SAMD7: variants seen among roughly 807,000 people sequenced by gnomAD.
SAMD7 encodes the protein sterile alpha motif domain containing 7.
In SAMD7, 34 loss-of-function variants were observed where a neutral mutation model predicts 36.7. The observed-to-expected ratio is 0.93, with a 90% CI of 0.71 to 1.23. SAMD7 has a LOEUF of 1.23. Among genes scored for constraint, SAMD7 ranks in the 50% most tolerant of loss-of-function variants. SAMD7 has a pLI of 0.00. For missense variants in SAMD7, 570 were observed against 546.6 expected (o/e 1.04, Z -0.43); for synonymous variants, 188 against 189.7 (o/e 0.99, Z 0.07).
chr3:169,924,978 T>G, intron 4 of SAMD7, 80 bp from the exon 5 acceptor site: 2 of 876,786 alleles, frequency 2.3e-6, no homozygotes, highest in Non-Finnish European at 3.6e-6. Context: ...CTGTTTTACA[T>G]TGTTATAGTT....
chr3:169,932,184 G>C (rs375360575), intron 7 of SAMD7: 4 of 669,788 alleles, frequency 6.0e-6, no homozygotes, highest in Non-Finnish European at 1.0e-5. Flanking sequence ...TGGACCACAC[G>C]TTGCAGTCTT....
At chr3:169,924,930 T>G in intron 4 of SAMD7, 128 bp from the exon 5 acceptor site, 1 of 609,540 alleles carries the variant, frequency 1.6e-6, no homozygotes, top group Non-Finnish European at 2.8e-6. Flanking sequence ...TTTCCAAAAT[T>G]GTGCGCAATT....
chr3:169,932,103 T>A, intron 7 of SAMD7: 1 of 525,884 alleles, frequency 1.9e-6, no homozygotes. Context: ...CAAGCAGCGT[T>A]TCACTACTTG....
chr3:169,922,938 C>T (rs1713108781), intron 4 of SAMD7, among the ~76,000 whole-genome samples: 1 of 152,204 alleles, frequency 6.6e-6, no homozygotes, highest in Non-Finnish European at 1.5e-5. Context: ...GATTTAGCGC[C>T]ATGTGGCGGT....
At chr3:169,933,130 TG>T in intron 7 of SAMD7, 2 of 798,546 alleles carry the variant, frequency 2.5e-6, no homozygotes, top group Non-Finnish European at 4.5e-6. Flanking sequence ...CTGGACGCCA[TG>T]GACCAGTGGC....
chr3:169,930,773 G>A (rs1713457740), intron 7 of SAMD7, among the ~76,000 whole-genome samples: 1 of 151,886 alleles, frequency 6.6e-6, no homozygotes, highest in African/African-American at 2.4e-5. Flanking sequence ...AGTAAAGACA[G>A]GGTTTCATCG....
chr3:169,933,140 G>C lies in SAMD7; in HGVS notation c.1042-3199G>C, dbSNP rs1165434961. The C allele has an allele frequency of 1.4e-5, 11 of 773,434 alleles. No homozygotes were observed. The African/African-American group carries it at 1.7e-4, about 12-fold the overall frequency. The allele number at this position is 773,434 out of a possible 1,614,324, so 47.9% of individuals were successfully genotyped here. A position where few individuals can be genotyped will look rare whatever the true frequency, so the allele number is the denominator to read the frequency against. On this transcript the variant is annotated intron_variant, in intron 7 of 8. Transcript: ENST00000335556. ...CTCGTCTGGACGCCATGGACCAGTG[G>C]CTCCTGAGTGTCCTGGCCACCGTGG...
chr3:169,911,868 T>A (rs552730479), intron 1 of SAMD7, 47 bp downstream of exon 1: 22 of 152,328 alleles, frequency 1.4e-4, no homozygotes, highest in African/African-American at 5.3e-4. Context: ...TTGAGGCCAG[T>A]TACTCTGAGT....
chr3:169,931,410 T>A (rs541941551), intron 7 of SAMD7, among the ~76,000 whole-genome samples: 1 of 152,034 alleles, frequency 6.6e-6, no homozygotes, highest in Non-Finnish European at 1.5e-5. Flanking sequence ...GCTGCCAGCC[T>A]ACCTCTGCTT....
intron 1 of SAMD7, among the ~76,000 whole-genome samples, chr3:169,912,508 CA>C (rs1253527130): frequency 6.6e-6 from 1 of 152,152 alleles, no homozygotes; most frequent in Non-Finnish European, 1.5e-5. Context: ...ATAATTTATA[CA>C]AACTGTAGTT....
chr3:169,932,834 A>C, intron 7 of SAMD7: 1 of 593,476 alleles, frequency 1.7e-6, no homozygotes, highest in Non-Finnish European at 3.3e-6. Context: ...GGACACCATT[A>C]ACACAGCTGT....
chr3:169,927,235 C>G (rs1713308234), intron 6 of SAMD7, 54 bp downstream of exon 6: 5 of 1,352,686 alleles, frequency 3.7e-6, no homozygotes, highest in Non-Finnish European at 5.0e-6. Flanking sequence ...TTGCCAAGTC[C>G]GTAGGTTACT....
intron 6 of SAMD7, among the ~76,000 whole-genome samples, chr3:169,927,801 T>C (rs1713336827): frequency 6.6e-6 from 1 of 152,210 alleles, no homozygotes; most frequent in Non-Finnish European, 1.5e-5. Context: ...AGTGTTCATT[T>C]CTTCAACAAA....
chr3:169,919,161 A>G (rs1712938226), intron 2 of SAMD7, among the ~76,000 whole-genome samples: 2 of 152,102 alleles, frequency 1.3e-5, no homozygotes, highest in African/African-American at 4.8e-5. Flanking sequence ...CAACAACAAC[A>G]ACAAAAAAGA....
At chr3:169,920,857 C>G (rs927783676) in intron 3 of SAMD7, among the ~76,000 whole-genome samples, 2 of 152,146 alleles carry the variant, frequency 1.3e-5, no homozygotes, top group Admixed American at 6.5e-5. Context: ...TAAACCCAAC[C>G]AAAGTATGTC....
intron 7 of SAMD7, 139 bp from the exon 8 acceptor site, chr3:169,936,200 T>TA: frequency 1.7e-6 from 1 of 588,766 alleles, no homozygotes; most frequent in Non-Finnish European, 3.1e-6. Flanking sequence ...AGAGAGCAAC[T>TA]AAAAAAAGGT....
At position 169,938,388 on chromosome 3, in the gene SAMD7, A is replaced by G; in HGVS notation, c.1223A>G (p.Gln408Arg). The G allele has an allele frequency of 6.2e-7, 1 of 1,612,722 alleles. No homozygotes were observed. The highest frequency in any genetic ancestry group is 8.5e-7 in the Non-Finnish European group (1 of 1,178,670). The change falls in exon 9 of 9, where the codon CAA becomes CGA. Residue 408 changes from glutamine (Q) to arginine (R), a missense_variant. By Grantham distance (43) the Gln-to-Arg change is conservative (BLOSUM62 1). Coordinates refer to ENST00000335556, the MANE Select transcript of SAMD7 (RefSeq NM_001304366.2). ...TTTCCTATAAGACAAGCATTTGATC[A>G]ACCAGCAGATACATCCCCTCTTCTG... ...LSFPIRQAFD[Q>R]PADTSPLLDP... is the part of the protein sequence containing the mutation.
chr3:169,936,762 G>A (rs1011616175), intron 8 of SAMD7, among the ~76,000 whole-genome samples: 22 of 151,910 alleles, frequency 1.4e-4, no homozygotes, highest in African/African-American at 3.4e-4. Flanking sequence ...TACTCCCACC[G>A]TGGCTGAGAA....
chr3:169,931,597 G>A (rs1713497066), intron 7 of SAMD7, among the ~76,000 whole-genome samples: 1 of 152,130 alleles, frequency 6.6e-6, no homozygotes, highest in Non-Finnish European at 1.5e-5. Flanking sequence ...TGAGATTACA[G>A]ATGTGAGCCA....
Sources: gnomAD v4.1 joint callset for allele counts (sites outside exome capture counted in the v4.1 genomes callset) on GRCh38, gnomAD v4.1.1 for gene constraint, MANE v1.5 for transcripts, NCBI Gene and HGNC (gene_info 2026-07-23, HGNC 2026-07-21) for gene names.